The following CDH12 variants were observed in gnomAD, a reference collection of about 807,000 sequenced individuals.
CDH12 encodes the protein cadherin 12, also known as cadherin-12.
Under a neutral mutation model 74.1 loss-of-function variants are expected in CDH12, and 41 were observed. The observed-to-expected ratio is 0.55, with a 90% CI of 0.43 to 0.72. The LOEUF (loss-of-function observed/expected upper bound fraction) is 0.72. Among genes scored for constraint, CDH12 ranks in the 30% least tolerant of loss-of-function variants. CDH12 has a pLI of 0.00. For missense variants in CDH12, 945 were observed against 977.2 expected, an observed-to-expected ratio of 0.97 and a Z score of 0.44; for synonymous variants, 399 against 355.0, an observed-to-expected ratio of 1.12 and a Z score of -1.39.
chr5:22,743,854 T>C (rs1745158519), intron 1 of CDH12, among the ~76,000 whole-genome samples: 1 of 152,124 alleles, frequency 6.6e-6, no homozygotes, highest in Non-Finnish European at 1.5e-5. Context: ...TTCTTACTTA[T>C]CAGTCTCTGG....
intron 1 of CDH12, among the ~76,000 whole-genome samples, chr5:22,848,725 G>A (rs1056521354): frequency 2.0e-5 from 3 of 152,068 alleles, no homozygotes; most frequent in Non-Finnish European, 4.4e-5. Context: ...ACTCTAGCTT[G>A]GCAATTATTT....
chr5:21,858,112 A>T (rs111747804), intron 6 of CDH12, among the ~76,000 whole-genome samples: 1 of 151,860 alleles, frequency 6.6e-6, no homozygotes, highest in South Asian at 2.1e-4. Flanking sequence ...GAAAGGGTCT[A>T]TCTCCAAATA....
At chr5:21,774,500 T>C (rs984827311) in intron 11 of CDH12, 1 of 152,202 alleles carries the variant, frequency 6.6e-6, no homozygotes, top group African/African-American at 2.4e-5. Context: ...GGACCTCATC[T>C]TGTGATCATG....
chr5:22,747,301 T>G (rs1745338790), intron 1 of CDH12, among the ~76,000 whole-genome samples: 1 of 152,036 alleles, frequency 6.6e-6, no homozygotes. Context: ...GAATTAATAT[T>G]GTACTCATTT....
chr5:22,804,772 C>G (rs1748701122), intron 1 of CDH12, among the ~76,000 whole-genome samples: 2 of 152,176 alleles, frequency 1.3e-5, no homozygotes, highest in South Asian at 2.1e-4. Flanking sequence ...AGTACCATTA[C>G]TAGTACAACC....
chr5:22,165,135 G>T (rs1164050008), intron 4 of CDH12, among the ~76,000 whole-genome samples: 1 of 151,872 alleles, frequency 6.6e-6, no homozygotes, highest in Non-Finnish European at 1.5e-5. Flanking sequence ...TTAAAATGTT[G>T]GTCTGATCAT....
At chr5:22,011,213 T>C (rs2150152821) in intron 5 of CDH12, among the ~76,000 whole-genome samples, 1 of 152,212 alleles carries the variant, frequency 6.6e-6, no homozygotes, top group East Asian at 1.9e-4. Context: ...CTGGAAATTC[T>C]TCCTGTAATG....
At chr5:22,796,202 A>G (rs1463594038) in intron 1 of CDH12, among the ~76,000 whole-genome samples, 1 of 152,164 alleles carries the variant, frequency 6.6e-6, no homozygotes, top group Non-Finnish European at 1.5e-5. Flanking sequence ...CTTTGGATAT[A>G]TACCCCATTA....
intron 6 of CDH12, among the ~76,000 whole-genome samples, chr5:21,940,410 T>G (rs1755277027): frequency 6.6e-6 from 1 of 152,184 alleles, no homozygotes; most frequent in Admixed American, 6.5e-5. Flanking sequence ...CATTTTATAA[T>G]TTACACTTAT....
intron 2 of CDH12, among the ~76,000 whole-genome samples, chr5:22,498,297 T>C (rs924098316): frequency 1.3e-4 from 20 of 152,106 alleles, no homozygotes; most frequent in African/African-American, 4.8e-4. Flanking sequence ...TATTATATAA[T>C]TTAATAACTT....
At chr5:22,231,967 A>G (rs1050247789) in intron 3 of CDH12, among the ~76,000 whole-genome samples, 8 of 151,938 alleles carry the variant, frequency 5.3e-5, no homozygotes, top group Non-Finnish European at 1.0e-4. Flanking sequence ...AAACAAGAAT[A>G]CAACTATTTT....
intron 11 of CDH12, among the ~76,000 whole-genome samples, chr5:21,768,199 T>G (rs2149879808): frequency 6.6e-6 from 1 of 151,918 alleles, no homozygotes; most frequent in South Asian, 2.1e-4. Flanking sequence ...AAATTCCAAT[T>G]ATTACTGTTC....
chr5:22,500,864 G>A (rs746484959), intron 2 of CDH12, among the ~76,000 whole-genome samples: 1 of 152,006 alleles, frequency 6.6e-6, no homozygotes, highest in Non-Finnish European at 1.5e-5. Flanking sequence ...ACTAAATTAT[G>A]GATTGTTGTC....
At chr5:22,600,436 T>A (rs1045233890) in intron 1 of CDH12, among the ~76,000 whole-genome samples, 4 of 152,260 alleles carry the variant, frequency 2.6e-5, no homozygotes, top group Admixed American at 6.5e-5. Context: ...ATATGTGTAT[T>A]TATTACATTT....
intron 1 of CDH12, among the ~76,000 whole-genome samples, chr5:22,801,636 CATAT>C (rs568139109): frequency 0.076 from 3,838 of 50,174 alleles, 170 homozygotes; most frequent in Middle Eastern, 0.11. Flanking sequence ...CTCTGCTTAT[CATAT>C]ATATATATAT....
At chr5:22,029,275 A>G (rs1308735890) in intron 5 of CDH12, among the ~76,000 whole-genome samples, 1 of 152,140 alleles carries the variant, frequency 6.6e-6, no homozygotes, top group Non-Finnish European at 1.5e-5. Flanking sequence ...ATCTAATTAA[A>G]CTAAAGAGCG....
chr5:21,851,467 A>G (rs1750462963), intron 7 of CDH12, among the ~76,000 whole-genome samples: 1 of 150,460 alleles, frequency 6.6e-6, no homozygotes, highest in African/African-American at 2.4e-5. Flanking sequence ...AATAATTTAT[A>G]TAATAAAATA....
intron 1 of CDH12, among the ~76,000 whole-genome samples, chr5:22,574,539 T>C (rs968407076): frequency 2.0e-5 from 3 of 152,160 alleles, no homozygotes; most frequent in African/African-American, 7.2e-5. Context: ...CTTCCACATA[T>C]AGTAGGCTCT....
At chr5:21,926,847 C>T (rs1754605050) in intron 6 of CDH12, among the ~76,000 whole-genome samples, 5 of 152,046 alleles carry the variant, frequency 3.3e-5, no homozygotes. Context: ...AATGTTCTCT[C>T]CTGGTTGCTG....
Sources: allele counts gnomAD v4.1 joint callset (sites outside exome capture counted in the v4.1 genomes callset), GRCh38; gene constraint gnomAD v4.1.1; transcripts MANE v1.5; gene names NCBI Gene and HGNC (gene_info 2026-07-23, HGNC 2026-07-21).